FNBP1L: variants seen among roughly 807,000 people sequenced by gnomAD.
The protein encoded by FNBP1L is formin binding protein 1 like, also known as formin-binding protein 1-like.
Under a neutral mutation model 91.2 loss-of-function variants are expected in FNBP1L, and 36 were observed. That is an observed-to-expected ratio of 0.39 (90% CI 0.30 to 0.52). The LOEUF is 0.52. Ranked by LOEUF, FNBP1L falls within the 20% of genes least tolerant of loss-of-function variation. The pLI, the probability that FNBP1L is intolerant of heterozygous loss-of-function variation, is 0.66. For synonymous variants in FNBP1L, 242 were observed against 237.0 expected (o/e 1.02, Z -0.19); for missense variants, 571 against 732.1 (o/e 0.78, Z 2.54).
chr1:93,534,861 G>A lies in FNBP1L; in HGVS notation c.943G>A (p.Val315Ile), dbSNP rs1386877812. The change falls in exon 9 of 17, where the codon GTA becomes ATA. Residue 315 changes from valine (V) to isoleucine (I), a missense_variant. Physicochemically the swap from Val to Ile is conservative, Grantham distance 29. Around this residue, in one of 5 missense-constraint regions of FNBP1L, gnomAD observed 150 missense variants for 155.9 expected, o/e 0.96. Transcript: ENST00000271234. ...TGGGAAGATGGATGCCAAAACCACA[G>A]TAGGAAAGGCCAAGGGCAAATTGTG... ...ESGKMDAKTT[V>I]GKAKGKLWLF... 4.4e-6 allele frequency: 7 copies of A among 1,580,406 alleles called. No individual in the cohort carries two copies. Among genetic ancestry groups the A allele is most frequent in the Admixed American group, 1.8e-5 (1 of 55,312 alleles).
In FNBP1L at chr1:93,532,802, A is replaced by C. The variant is rs956176618; in HGVS notation, c.640-120A>C. The stretch of plus-strand genomic sequence containing the variant: ...CAATAGCACTTGTTAAAAGGTATTA[A>C]CAACAGTGTAACTATGAGGGTAGAA... On this transcript the variant is annotated intron_variant, in intron 7 of 16. Coordinates refer to ENST00000271234, the MANE Select transcript of FNBP1L (RefSeq NM_001164473.3). The C allele has an allele frequency of 2.9e-4, 190 of 653,166 alleles. 1 individual carries two copies. In the East Asian group the frequency reaches 5.4e-3, roughly 18 times the overall value. 40.5% of individuals were successfully genotyped at this position (653,166 alleles called of 1,614,324 possible). A position where few individuals can be genotyped will look rare whatever the true frequency, so the allele number is the denominator to read the frequency against.
At position 93,524,881 on chromosome 1, in the gene FNBP1L, A is replaced by T. The variant is rs55777828; in HGVS notation, c.405+558A>T. On this transcript the variant is annotated intron_variant, in intron 5 of 16. Transcript: ENST00000271234. ...TAGAAACCTTCCCATTGTAGGAAATAAAGTACTTTGTAGGGCAAAATTATA... is the reference window on the plus strand; with the variant it reads ...TAGAAACCTTCCCATTGTAGGAAATTAAGTACTTTGTAGGGCAAAATTATA... Among the ~76,000 whole-genome samples the T allele has an allele frequency of 9.6e-3, 1,461 of 152,124 alleles. 20 individuals are homozygous for T. Among genetic ancestry groups the T allele is most frequent in the African/African-American group, 0.033 (1,378 of 41,526 alleles).
intron 2 of FNBP1L, among the ~76,000 whole-genome samples, chr1:93,510,110 A>G (rs932638521): frequency 1.1e-4 from 16 of 152,210 alleles, no homozygotes; most frequent in Non-Finnish European, 1.9e-4. Context: ...GGAGCCCACC[A>G]CAGCTCAAGG....
At chr1:93,467,788 A>T (rs958613863) in intron 1 of FNBP1L, among the ~76,000 whole-genome samples, 8 of 151,982 alleles carry the variant, frequency 5.3e-5, no homozygotes, top group Non-Finnish European at 1.2e-4. Context: ...CCCAGCTCTT[A>T]AAAAAGGTAG....
Position 93,537,951 on chromosome 1 carries a change from C to T in FNBP1L, c.1149+1461C>T, listed in dbSNP as rs1671900010. On this transcript the variant is annotated intron_variant, in intron 10 of 16. Transcript: ENST00000271234. ...CAAGCAGTCCTCCCACTTCAGCCTC[C>T]CAAAGTTCTGGGATTACAGGCATGA... 2.0e-5 allele frequency among the ~76,000 whole-genome samples: 3 copies of T among 152,218 alleles called. No homozygotes were observed. In the South Asian group the frequency reaches 6.2e-4, roughly 32 times the overall value.
chr1:93,537,959 C>G (rs1671900365), intron 10 of FNBP1L, among the ~76,000 whole-genome samples: 1 of 152,094 alleles, frequency 6.6e-6, no homozygotes, highest in African/African-American at 2.4e-5. Flanking sequence ...TCCCAAAGTT[C>G]TGGGATTACA....
At chr1:93,495,182 T>G (rs996404996) in intron 1 of FNBP1L, among the ~76,000 whole-genome samples, 1 of 152,162 alleles carries the variant, frequency 6.6e-6, no homozygotes, top group Non-Finnish European at 1.5e-5. Flanking sequence ...ATAGAAATAT[T>G]TTTTAGGAGA....
chr1:93,518,216 T>TC (rs1671198516), intron 2 of FNBP1L, among the ~76,000 whole-genome samples: 1 of 152,178 alleles, frequency 6.6e-6, no homozygotes, highest in Admixed American at 6.5e-5. Context: ...GCATTCAGCT[T>TC]CACGTAATAG....
chr1:93,488,367 C>T (rs190094252), intron 1 of FNBP1L: 11 of 152,262 alleles, frequency 7.2e-5, no homozygotes, highest in African/African-American at 2.6e-4. Flanking sequence ...AGCAGTCTCC[C>T]ATCCAAATAC....
intron 2 of FNBP1L, among the ~76,000 whole-genome samples, chr1:93,504,023 T>G (rs1465251099): frequency 6.6e-6 from 1 of 152,156 alleles, no homozygotes; most frequent in African/African-American, 2.4e-5. Context: ...GTGCACAAAC[T>G]ACTCTTATTT....
chr1:93,467,139 G>A (rs1261687990), intron 1 of FNBP1L, among the ~76,000 whole-genome samples: 1 of 152,228 alleles, frequency 6.6e-6, no homozygotes, highest in Non-Finnish European at 1.5e-5. Flanking sequence ...TTACAAGCAT[G>A]AGCTACCGCG....
chr1:93,546,981 T>C lies in FNBP1L; in HGVS notation c.1407+7T>C, dbSNP rs1433983475. ...GGAAATCCATAAGAATGAGGTAGAT[T>C]TGTTATTCAGCACTTGTCAAGATAA... On this transcript the variant is annotated splice_region_variant and intron_variant, in intron 13 of 16. Coordinates refer to ENST00000271234, the MANE Select transcript of FNBP1L (RefSeq NM_001164473.3). The C allele has an allele frequency of 1.9e-6, 3 of 1,609,756 alleles. No individual in the cohort carries two copies. In the East Asian group the frequency reaches 6.7e-5, roughly 36 times the overall value.
chr1:93,529,866 GTATC>G lies in FNBP1L; in HGVS notation c.510+113_510+116del, dbSNP rs1449574204. 2.0e-5 allele frequency: 13 copies of G among 646,954 alleles called. No homozygotes were observed. The East Asian group carries it at 4.3e-4, about 21-fold the overall frequency. 40.1% of individuals were successfully genotyped at this position (646,954 alleles called of 1,614,324 possible). ...TATTAGGATTTACTTGAGATACACT[GTATC>G]TAAGTCTAAAATATACAAATATTTG... is the stretch of plus-strand genomic sequence containing the variant. On this transcript the variant is annotated intron_variant, in intron 6 of 16. Coordinates refer to ENST00000271234, the MANE Select transcript of FNBP1L (RefSeq NM_001164473.3).
At chr1:93,522,848 G>A (rs370580974) in intron 3 of FNBP1L, among the ~76,000 whole-genome samples, 44 of 152,020 alleles carry the variant, frequency 2.9e-4, no homozygotes, top group East Asian at 7.7e-4. Flanking sequence ...CCCTTTACCC[G>A]CTTTGGTGTC....
intron 2 of FNBP1L, among the ~76,000 whole-genome samples, chr1:93,517,757 G>T (rs971700085): frequency 2.4e-4 from 37 of 151,640 alleles, no homozygotes; most frequent in African/African-American, 8.5e-4. Context: ...TTAAATTTGT[G>T]TTTGTAGATG....
intron 2 of FNBP1L, among the ~76,000 whole-genome samples, chr1:93,512,880 A>G (rs1012461502): frequency 1.2e-4 from 19 of 152,194 alleles, no homozygotes; most frequent in Middle Eastern, 3.4e-3. Context: ...AGCAAGAGCA[A>G]ACACATTCAA....
intron 1 of FNBP1L, among the ~76,000 whole-genome samples, chr1:93,495,628 A>G (rs1670236201): frequency 6.6e-6 from 1 of 152,186 alleles, no homozygotes; most frequent in African/African-American, 2.4e-5. Flanking sequence ...TTGGCTATTT[A>G]TCTTCTGGCT....
intron 1 of FNBP1L, among the ~76,000 whole-genome samples, chr1:93,457,227 T>C (rs956536263): frequency 6.6e-6 from 1 of 152,230 alleles, no homozygotes; most frequent in Non-Finnish European, 1.5e-5. Flanking sequence ...ATTACTTTTG[T>C]AGGTTTTAAA....
chr1:93,493,456 C>T (rs1670162633), intron 1 of FNBP1L, among the ~76,000 whole-genome samples: 1 of 152,060 alleles, frequency 6.6e-6, no homozygotes, highest in South Asian at 2.1e-4. Flanking sequence ...GTTGTACAAC[C>T]ATCACCACCA....
Sources: allele counts gnomAD v4.1 joint callset (sites outside exome capture counted in the v4.1 genomes callset), GRCh38; gene constraint gnomAD v4.1.1; regional missense constraint gnomAD v4.1.1; transcripts MANE v1.5; gene names NCBI Gene and HGNC (gene_info 2026-07-23, HGNC 2026-07-21).